The following AKAP19 variants were observed in gnomAD, a reference collection of about 807,000 sequenced individuals.
AKAP19 encodes A-kinase anchoring protein 19.
At chr2:189,978,053 C>A in the AKAP19 span, among the ~76,000 whole-genome samples, 1 of 152,200 alleles carries the variant, frequency 6.6e-6, no homozygotes, top group Middle Eastern at 3.4e-3. Context: ...TTAAGGTGGG[C>A]TAGGCTAAGC....
the AKAP19 span, among the ~76,000 whole-genome samples, chr2:190,135,569 A>G: frequency 4.4e-3 from 662 of 148,902 alleles, 2 homozygotes; most frequent in Middle Eastern, 0.028. Context: ...AATAAGGATT[A>G]TTGGTTTAGA....
chr2:189,880,544 G>A, the AKAP19 span, among the ~76,000 whole-genome samples: 1 of 152,204 alleles, frequency 6.6e-6, no homozygotes, highest in African/African-American at 2.4e-5. Context: ...AAGAGAAAAG[G>A]AGCAGGTAAA....
chr2:190,054,336 A>C, the AKAP19 span, among the ~76,000 whole-genome samples: 2 of 152,212 alleles, frequency 1.3e-5, no homozygotes, highest in Non-Finnish European at 2.9e-5. Flanking sequence ...TACAAAAATT[A>C]ATTCAAGATG....
chr2:190,171,010 G>A, the AKAP19 span, among the ~76,000 whole-genome samples: 1 of 152,158 alleles, frequency 6.6e-6, no homozygotes, highest in Admixed American at 6.5e-5. Context: ...CTATCTGATG[G>A]GCTCCCAGGA....
the AKAP19 span, among the ~76,000 whole-genome samples, chr2:190,035,911 TTTTTCTTGGGTAAATATCTA>T: frequency 6.6e-6 from 1 of 152,160 alleles, no homozygotes; most frequent in Non-Finnish European, 1.5e-5. Context: ...TATGTATTTA[TTTTTCTTGGGTAAATATCTA>T]GGCATGGAAT....
At chr2:190,061,125 A>G in the AKAP19 span, among the ~76,000 whole-genome samples, 13 of 152,190 alleles carry the variant, frequency 8.5e-5, 1 homozygote, top group East Asian at 1.7e-3. Context: ...AATTGTCTAT[A>G]AAAGGTAAAT....
At chr2:190,158,629 AG>A in the AKAP19 span, among the ~76,000 whole-genome samples, 347 of 152,308 alleles carry the variant, frequency 2.3e-3, 1 homozygote, top group Middle Eastern at 0.027. Flanking sequence ...ATCATTTAAG[AG>A]ATTTTTTTCT....
the AKAP19 span, among the ~76,000 whole-genome samples, chr2:189,965,435 TCAAA>T: frequency 5.9e-5 from 9 of 151,716 alleles, no homozygotes; most frequent in Non-Finnish European, 1.2e-4. Flanking sequence ...TACAAGGAAC[TCAAA>T]CAAATTAGCA....
At chr2:189,924,081 A>C in the AKAP19 span, 1 of 1,562,448 alleles carries the variant, frequency 6.4e-7, no homozygotes, top group Admixed American at 1.7e-5. Context: ...GACTCTGCTG[A>C]GGAGGGGGAC....
chr2:189,982,344 C>G, the AKAP19 span, among the ~76,000 whole-genome samples: 3 of 151,874 alleles, frequency 2.0e-5, no homozygotes, highest in African/African-American at 7.3e-5. Context: ...TTTTCAATTC[C>G]AGAAGTTTTC....
the AKAP19 span, chr2:190,057,194 C>T: frequency 6.3e-7 from 1 of 1,589,008 alleles, no homozygotes; most frequent in East Asian, 2.2e-5. Context: ...AATTTCACAG[C>T]TTCAAAATTG....
At chr2:189,998,771 C>CT in the AKAP19 span, among the ~76,000 whole-genome samples, 49,177 of 97,442 alleles carry the variant, frequency 0.5, 12,850 homozygotes, top group South Asian at 0.58. Flanking sequence ...TTCTTTCTTT[C>CT]TTTTTTTTTT....
the AKAP19 span, among the ~76,000 whole-genome samples, chr2:190,154,777 G>A: frequency 6.6e-6 from 1 of 152,208 alleles, no homozygotes; most frequent in African/African-American, 2.4e-5. Context: ...ATTCAAAGAG[G>A]AGAAATAAAC....
At chr2:189,892,815 T>G in the AKAP19 span, among the ~76,000 whole-genome samples, 1 of 152,202 alleles carries the variant, frequency 6.6e-6, no homozygotes, top group African/African-American at 2.4e-5. Context: ...TGTTTAAGTC[T>G]GCTGAAGCTG....
chr2:190,050,534 G>A, the AKAP19 span, among the ~76,000 whole-genome samples: 1 of 152,156 alleles, frequency 6.6e-6, no homozygotes, highest in African/African-American at 2.4e-5. Context: ...GCAGTTGTAG[G>A]TGAAAGGATG....
chr2:189,946,777 A>G, the AKAP19 span, among the ~76,000 whole-genome samples: 3 of 152,198 alleles, frequency 2.0e-5, no homozygotes, highest in African/African-American at 4.8e-5. Flanking sequence ...AAATGCTTTT[A>G]TTCTTTGGTT....
chr2:189,965,390 C>T, the AKAP19 span, among the ~76,000 whole-genome samples: 1 of 151,932 alleles, frequency 6.6e-6, no homozygotes, highest in Admixed American at 6.6e-5. Context: ...AAAGTGAGCA[C>T]AGCTATTAGA....
the AKAP19 span, among the ~76,000 whole-genome samples, chr2:190,184,401 G>A: frequency 6.6e-6 from 1 of 152,188 alleles, no homozygotes; most frequent in African/African-American, 2.4e-5. Flanking sequence ...ATTTCACTGT[G>A]TTCTTCCCAA....
the AKAP19 span, chr2:190,201,180 T>C: frequency 6.0e-6 from 1 of 167,038 alleles, no homozygotes; most frequent in South Asian, 2.1e-4. Flanking sequence ...ATAGGGCATT[T>C]ATAGCCACCT....
Sources: gnomAD v4.1 joint callset for allele counts (sites outside exome capture counted in the v4.1 genomes callset) on GRCh38, gnomAD v4.1.1 for gene constraint, MANE v1.5 for transcripts, NCBI Gene and HGNC (gene_info 2026-07-23, HGNC 2026-07-21) for gene names.